TCERG1L: variants seen among roughly 807,000 people sequenced by gnomAD.
TCERG1L encodes the protein transcription elongation regulator 1 like.
Under a neutral mutation model 56.3 loss-of-function variants are expected in TCERG1L, and 37 were observed. The observed-to-expected ratio is 0.66, with a 90% CI of 0.51 to 0.87. The LOEUF (loss-of-function observed/expected upper bound fraction) is 0.87. Ranked by LOEUF, TCERG1L falls within the 40% of genes least tolerant of loss-of-function variation. The pLI, the probability that TCERG1L is intolerant of heterozygous loss-of-function variation, is 0.00. For missense variants in TCERG1L, 799 were observed against 774.2 expected, an observed-to-expected ratio of 1.03 and a Z score of -0.38; for synonymous variants, 324 against 326.3, an observed-to-expected ratio of 0.99 and a Z score of 0.08.
chr10:131,210,890 C>G (rs1244764751), intron 4 of TCERG1L, among the ~76,000 whole-genome samples: 1 of 152,176 alleles, frequency 6.6e-6, no homozygotes, highest in Non-Finnish European at 1.5e-5. Flanking sequence ...GGCAAGCCAC[C>G]GAAACAGCAA....
intron 3 of TCERG1L, among the ~76,000 whole-genome samples, chr10:131,305,587 AG>A (rs1299240876): frequency 6.6e-6 from 1 of 152,054 alleles, no homozygotes; most frequent in Non-Finnish European, 1.5e-5. Flanking sequence ...CTAAAACAAC[AG>A]TGCAAATTTT....
chr10:131,101,532 C>T lies in TCERG1L; in HGVS notation c.1485+2733G>A, dbSNP rs1193141747. 5.3e-5 allele frequency among the ~76,000 whole-genome samples: 8 copies of T among 152,286 alleles called. No individual in the cohort carries two copies. In the East Asian group the frequency reaches 7.7e-4, roughly 15 times the overall value. On this transcript the variant is annotated intron_variant, in intron 10 of 11. Transcript: ENST00000368642. ...TGGCACACGTGGCACGTGCCACGCA[C>T]GCCACACACAACCCACACGCCACAC...
intron 4 of TCERG1L, among the ~76,000 whole-genome samples, chr10:131,186,783 G>T (rs909365439): frequency 6.6e-6 from 1 of 152,150 alleles, no homozygotes; most frequent in African/African-American, 2.4e-5. Context: ...CCACCAAGCT[G>T]CCCCAGACAT....
chr10:131,282,914 T>A (rs543150839), intron 3 of TCERG1L, among the ~76,000 whole-genome samples: 1 of 152,370 alleles, frequency 6.6e-6, no homozygotes, highest in East Asian at 1.9e-4. Flanking sequence ...CATAAGTTCA[T>A]TTCTTATGGG....
intron 4 of TCERG1L, among the ~76,000 whole-genome samples, chr10:131,225,479 A>G (rs929187335): frequency 6.6e-6 from 1 of 152,110 alleles, no homozygotes; most frequent in Non-Finnish European, 1.5e-5. Context: ...TATCCAGGAC[A>G]CCAGCTGGAG....
intron 3 of TCERG1L, among the ~76,000 whole-genome samples, chr10:131,299,201 C>G (rs1296625601): frequency 6.6e-6 from 1 of 152,014 alleles, no homozygotes. Flanking sequence ...TGCTTTTATG[C>G]TCACTCTGTC....
chr10:131,115,931 A>T (rs1845455658), intron 9 of TCERG1L, among the ~76,000 whole-genome samples: 1 of 152,044 alleles, frequency 6.6e-6, no homozygotes, highest in Non-Finnish European at 1.5e-5. Context: ...GGACCCTGGG[A>T]GTTACCAGCT....
intron 3 of TCERG1L, among the ~76,000 whole-genome samples, chr10:131,305,615 T>A (rs1222681277): frequency 2.6e-5 from 4 of 152,072 alleles, no homozygotes; most frequent in Non-Finnish European, 5.9e-5. Context: ...ACTTAAAGAA[T>A]GATCATTACA....
Position 131,260,269 on chromosome 10 carries a change from G to T in TCERG1L, c.846C>A (p.Ser282=), listed in dbSNP as rs1298552439. The T allele has an allele frequency of 2.2e-6, 3 of 1,366,640 alleles. No individual in the cohort carries two copies. Among genetic ancestry groups the T allele is most frequent in the Non-Finnish European group, 2.8e-6 (3 of 1,053,772 alleles). 84.7% of individuals were successfully genotyped at this position (1,366,640 alleles called of 1,614,324 possible). Residue 282 remains serine, a synonymous_variant, in exon 4 of 12, where the codon TCC becomes TCA. Transcript: ENST00000368642. The surrounding 1 kb of genome is among the most constrained non-coding windows in gnomAD (Gnocchi z 5.8). The part of the protein sequence containing the change: ...LAPIKIPLRT[S]PVSDTRTERG... ...GCGCTCCGAGCCTACCTGAGACGGGGGACGTCCGGAGGGGTATTTTGATGG... is the reference window on the plus strand; with the variant it reads ...GCGCTCCGAGCCTACCTGAGACGGGTGACGTCCGGAGGGGTATTTTGATGG...
chr10:131,104,789 C>G (rs1354991522), intron 9 of TCERG1L, among the ~76,000 whole-genome samples: 5 of 152,112 alleles, frequency 3.3e-5, no homozygotes, highest in African/African-American at 1.2e-4. Context: ...TTAGGTAGGT[C>G]ATTTTAAAAA....
At position 131,243,725 on chromosome 10, in the gene TCERG1L, C is replaced by T. The variant is rs148640861; in HGVS notation, c.856+16534G>A. 3.9e-3 allele frequency among the ~76,000 whole-genome samples: 597 copies of T among 152,350 alleles called. 3 individuals carry two copies. Among genetic ancestry groups the T allele is most frequent in the African/African-American group, 0.014 (578 of 41,588 alleles). Reference sequence around the variant, plus strand: ...TGTTCACCAAGACGCAAGTAAGTGACAACCATCTTCAGCCAGTCAGCCACC... The same window carrying T: ...TGTTCACCAAGACGCAAGTAAGTGATAACCATCTTCAGCCAGTCAGCCACC... On this transcript the variant is annotated intron_variant, in intron 4 of 11. Coordinates refer to ENST00000368642, the MANE Select transcript of TCERG1L (RefSeq NM_174937.4).
At chr10:131,231,512 G>C (rs557289023) in intron 4 of TCERG1L, among the ~76,000 whole-genome samples, 1 of 152,162 alleles carries the variant, frequency 6.6e-6, no homozygotes, top group Non-Finnish European at 1.5e-5. Context: ...TGCAGAGCTT[G>C]TGGCTCTGCC....
chr10:131,185,880 C>T (rs778792919), intron 4 of TCERG1L, among the ~76,000 whole-genome samples: 9 of 152,144 alleles, frequency 5.9e-5, no homozygotes, highest in African/African-American at 1.2e-4. Flanking sequence ...GAATTGAAAA[C>T]GGATATTCAG....
At chr10:131,102,751 G>A (rs1451850374) in intron 10 of TCERG1L, among the ~76,000 whole-genome samples, 2 of 152,140 alleles carry the variant, frequency 1.3e-5, no homozygotes, top group Admixed American at 6.5e-5. Context: ...ACTGGGGCAG[G>A]GAAGTCCGGA....
intron 4 of TCERG1L, among the ~76,000 whole-genome samples, chr10:131,231,076 G>T (rs987587099): frequency 2.7e-5 from 4 of 150,798 alleles, no homozygotes; most frequent in South Asian, 2.1e-4. Context: ...GGACCTGGAG[G>T]GGGGCAGTGG....
At chr10:131,287,769 T>G (rs1846562055) in intron 3 of TCERG1L, among the ~76,000 whole-genome samples, 1 of 152,144 alleles carries the variant, frequency 6.6e-6, no homozygotes, top group South Asian at 2.1e-4. Context: ...ATTAAAATAA[T>G]CATAATGCAA....
intron 9 of TCERG1L, among the ~76,000 whole-genome samples, chr10:131,109,412 C>T (rs932644192): frequency 6.6e-6 from 1 of 152,120 alleles, no homozygotes; most frequent in African/African-American, 2.4e-5. Context: ...GTGACCGTGG[C>T]TGGGTCTGTG....
At chr10:131,261,502 C>T (rs543228322) in intron 3 of TCERG1L, among the ~76,000 whole-genome samples, 11 of 152,336 alleles carry the variant, frequency 7.2e-5, no homozygotes, top group East Asian at 3.9e-4. Context: ...GTGCACAGGA[C>T]GGTCAGTGGT....
intron 4 of TCERG1L, among the ~76,000 whole-genome samples, chr10:131,180,936 G>A (rs1269026783): frequency 1.3e-5 from 2 of 152,142 alleles, no homozygotes; most frequent in East Asian, 1.9e-4. Flanking sequence ...TATTAGCGAC[G>A]TCTATCACCT....
Sources: allele counts gnomAD v4.1 joint callset (sites outside exome capture counted in the v4.1 genomes callset), GRCh38; gene constraint gnomAD v4.1.1; non-coding constraint Gnocchi (gnomAD v3.1); transcripts MANE v1.5; gene names NCBI Gene and HGNC (gene_info 2026-07-23, HGNC 2026-07-21).